Variants in GRM8 observed in about 807,000 individuals in gnomAD.
GRM8 encodes glutamate metabotropic receptor 8.
A neutral mutation model predicts 87.2 loss-of-function variants in GRM8; 47 were observed. The observed-to-expected ratio is 0.54, with a 90% CI of 0.43 to 0.69. The LOEUF (loss-of-function observed/expected upper bound fraction) is 0.69, where lower values mean the gene tolerates loss of function less well. Among genes scored for constraint, GRM8 ranks in the 30% least tolerant of loss-of-function variants. The pLI is 0.00. For synonymous variants in GRM8, 396 were observed against 404.5 expected (o/e 0.98, Z 0.25); for missense variants, 1,019 against 1,139.2 (o/e 0.89, Z 1.52).
At chr7:126,875,327 G>A (rs1246218350) in intron 6 of GRM8, among the ~76,000 whole-genome samples, 1 of 151,306 alleles carries the variant, frequency 6.6e-6, no homozygotes, top group Admixed American at 6.6e-5. Flanking sequence ...AGAATACTAG[G>A]AAGAACTTAA....
intron 2 of GRM8, among the ~76,000 whole-genome samples, chr7:127,155,973 C>T (rs998012598): frequency 9.9e-5 from 15 of 152,138 alleles, no homozygotes; most frequent in African/African-American, 3.6e-4. Flanking sequence ...CTCTTGAAGG[C>T]TGCCAATGTT....
chr7:127,019,427 T>G (rs1038475120), intron 3 of GRM8, among the ~76,000 whole-genome samples: 5 of 152,084 alleles, frequency 3.3e-5, no homozygotes, highest in African/African-American at 9.7e-5. Context: ...ATAGCATTAT[T>G]TATCATAAGT....
At chr7:126,735,802 AAG>A (rs1267648559) in intron 7 of GRM8, among the ~76,000 whole-genome samples, 2 of 152,064 alleles carry the variant, frequency 1.3e-5, no homozygotes, top group Non-Finnish European at 2.9e-5. Context: ...CACAGAATAA[AAG>A]AGACAGATGG....
intron 8 of GRM8, among the ~76,000 whole-genome samples, chr7:126,539,270 T>A (rs1019941925): frequency 6.6e-6 from 1 of 151,794 alleles, no homozygotes; most frequent in Non-Finnish European, 1.5e-5. Flanking sequence ...CAAAACATCA[T>A]TGAAAAAAAG....
intron 6 of GRM8, among the ~76,000 whole-genome samples, chr7:126,795,738 A>G (rs1210467935): frequency 2.0e-5 from 3 of 152,122 alleles, no homozygotes; most frequent in African/African-American, 7.2e-5. Context: ...ATGGGGATCC[A>G]TGTGGATAAA....
intron 9 of GRM8, among the ~76,000 whole-genome samples, chr7:126,504,169 AT>A (rs1196689075): frequency 6.6e-6 from 1 of 152,034 alleles, no homozygotes; most frequent in Admixed American, 6.6e-5. Context: ...TGTACACGTG[AT>A]TTACAGACAC....
chr7:126,754,182 G>A (rs34083516), intron 7 of GRM8, among the ~76,000 whole-genome samples: 59,150 of 151,628 alleles, frequency 0.39, 12,746 homozygotes, highest in Non-Finnish European at 0.48. Context: ...AGTCCCTTGT[G>A]TTATCAAATA....
At position 126,942,988 on chromosome 7, in the gene GRM8, T is replaced by C. The variant is rs143681315; in HGVS notation, c.728-38305A>G. On this transcript the variant is annotated intron_variant, in intron 3 of 10. Coordinates refer to ENST00000339582, the MANE Select transcript of GRM8 (RefSeq NM_000845.3). Reference sequence around the variant, plus strand: ...AGTAGAGCGGCACATATGAATCACTTGGGGATCTTATTAGAATACAAATTC... The same window carrying C: ...AGTAGAGCGGCACATATGAATCACTCGGGGATCTTATTAGAATACAAATTC... 9.7e-4 allele frequency among the ~76,000 whole-genome samples: 148 copies of C among 152,270 alleles called. 2 individuals carry two copies. The highest frequency in any genetic ancestry group is 3.4e-3 in the African/African-American group (140 of 41,566).
intron 9 of GRM8, among the ~76,000 whole-genome samples, chr7:126,493,696 T>C (rs1035498596): frequency 6.6e-6 from 1 of 152,050 alleles, no homozygotes; most frequent in Non-Finnish European, 1.5e-5. Flanking sequence ...ACAGAGTCCC[T>C]GACCTCTATC....
chr7:127,026,181 T>A (rs913506553), intron 3 of GRM8, among the ~76,000 whole-genome samples: 2 of 152,176 alleles, frequency 1.3e-5, no homozygotes, highest in Non-Finnish European at 1.5e-5. Flanking sequence ...CACAAACTCA[T>A]CCTTTTATAT....
intron 7 of GRM8, among the ~76,000 whole-genome samples, chr7:126,616,277 T>A (rs1458255853): frequency 6.6e-6 from 1 of 152,216 alleles, no homozygotes; most frequent in East Asian, 1.9e-4. Flanking sequence ...GAATGACTAC[T>A]GGGTACATAA....
chr7:126,766,139 C>G (rs1315763203), intron 7 of GRM8, among the ~76,000 whole-genome samples: 1 of 152,118 alleles, frequency 6.6e-6, no homozygotes, highest in African/African-American at 2.4e-5. Flanking sequence ...GAAGCACAAT[C>G]TTTTACATAT....
At chr7:126,750,691 T>A (rs1268403595) in intron 7 of GRM8, among the ~76,000 whole-genome samples, 1 of 152,134 alleles carries the variant, frequency 6.6e-6, no homozygotes, top group African/African-American at 2.4e-5. Flanking sequence ...GCTCCTCAGT[T>A]CCTGTTTTCA....
chr7:127,223,429 CCA>C (rs1254452877), intron 2 of GRM8, among the ~76,000 whole-genome samples: 7 of 138,762 alleles, frequency 5.0e-5, no homozygotes, highest in Admixed American at 7.8e-5. Context: ...TCGAAACACA[CCA>C]CACACACACA....
intron 7 of GRM8, among the ~76,000 whole-genome samples, chr7:126,732,335 G>A (rs2299500): frequency 0.34 from 52,090 of 151,832 alleles, 9,496 homozygotes; most frequent in East Asian, 0.44. Context: ...ATATCCATTC[G>A]GAGCAACAGC....
intron 7 of GRM8, among the ~76,000 whole-genome samples, chr7:126,615,087 T>C (rs912892300): frequency 3.3e-5 from 5 of 151,942 alleles, no homozygotes; most frequent in Admixed American, 6.6e-5. Context: ...TTCACCAAAG[T>C]TGAAATGAGG....
intron 3 of GRM8, among the ~76,000 whole-genome samples, chr7:126,979,648 T>G (rs898102909): frequency 3.9e-5 from 6 of 152,206 alleles, no homozygotes; most frequent in Non-Finnish European, 8.8e-5. Context: ...ACAGGTATTT[T>G]CACAAAGACC....
chr7:126,941,232 T>C (rs1806885689), intron 3 of GRM8, among the ~76,000 whole-genome samples: 3 of 152,128 alleles, frequency 2.0e-5, no homozygotes, highest in African/African-American at 7.2e-5. Context: ...ACAATTCTAA[T>C]TCTGCACTTC....
intron 3 of GRM8, among the ~76,000 whole-genome samples, chr7:127,007,572 T>C (rs775680908): frequency 6.6e-6 from 1 of 152,096 alleles, no homozygotes; most frequent in Non-Finnish European, 1.5e-5. Context: ...CATAGGGTAA[T>C]GTGGTAAGGA....
Sources: allele counts gnomAD v4.1 joint callset (sites outside exome capture counted in the v4.1 genomes callset), GRCh38; gene constraint gnomAD v4.1.1; transcripts MANE v1.5; gene names NCBI Gene and HGNC (gene_info 2026-07-23, HGNC 2026-07-21).